The following TENM3 variants were observed in gnomAD, a reference collection of about 807,000 sequenced individuals.
The protein encoded by TENM3 is teneurin-3.
TENM3 carries 63 observed loss-of-function variants against 255.1 expected under a neutral mutation model. The observed-to-expected ratio is 0.25, with a 90% CI of 0.20 to 0.30. TENM3 has a LOEUF of 0.30. Ranked by LOEUF, TENM3 falls within the 10% of genes least tolerant of loss-of-function variation. The pLI is 1.00. For synonymous variants in TENM3, 1,306 were observed against 1,322.3 expected, an observed-to-expected ratio of 0.99 and a Z score of 0.27; for missense variants, 2,929 against 3,461.1, an observed-to-expected ratio of 0.85 and a Z score of 3.86.
At chr4:182,708,204 C>T (rs547412138) in intron 12 of TENM3, among the ~76,000 whole-genome samples, 8 of 152,138 alleles carry the variant, frequency 5.3e-5, no homozygotes, top group Middle Eastern at 3.4e-3. Flanking sequence ...ATAATATATG[C>T]ACTTAGAACA....
the TENM3 span, among the ~76,000 whole-genome samples, chr4:182,120,584 A>G: frequency 6.6e-6 from 1 of 152,216 alleles, no homozygotes; most frequent in East Asian, 1.9e-4. Flanking sequence ...TATTTGTGAC[A>G]AAGCAGGGTA....
At chr4:182,186,941 TAATA>T (rs946448509) in intron 1 of TENM3, among the ~76,000 whole-genome samples, 1 of 150,506 alleles carries the variant, frequency 6.6e-6, no homozygotes, top group African/African-American at 2.4e-5. Context: ...TTCAGATCTC[TAATA>T]AATGTAATTA....
chr4:181,582,032 C>A, the TENM3 span, among the ~76,000 whole-genome samples: 1 of 152,156 alleles, frequency 6.6e-6, no homozygotes, highest in Non-Finnish European at 1.5e-5. Context: ...TGTGCCTGGC[C>A]CCGCCTTACA....
intron 1 of TENM3, among the ~76,000 whole-genome samples, chr4:182,145,917 C>A (rs114417176): frequency 3.2e-4 from 48 of 152,308 alleles, no homozygotes; most frequent in African/African-American, 1.0e-3. Context: ...CATTACCTTT[C>A]CCTTCTCTTG....
At chr4:182,167,232 G>A (rs1751779953) in intron 1 of TENM3, among the ~76,000 whole-genome samples, 1 of 152,196 alleles carries the variant, frequency 6.6e-6, no homozygotes, top group African/African-American at 2.4e-5. Context: ...TGAGAGGATA[G>A]GGAAAGACAT....
intron 1 of TENM3, among the ~76,000 whole-genome samples, chr4:182,190,680 T>C (rs1249757852): frequency 2.0e-5 from 3 of 152,152 alleles, no homozygotes; most frequent in Non-Finnish European, 4.4e-5. Context: ...TTTCTCCCAT[T>C]ATACTATGTC....
chr4:181,909,608 T>C, the TENM3 span, among the ~76,000 whole-genome samples: 1 of 150,336 alleles, frequency 6.7e-6, no homozygotes, highest in South Asian at 2.1e-4. Flanking sequence ...ACCCACATCA[T>C]ACTGTATTTG....
chr4:182,762,531 T>G (rs755333473), intron 22 of TENM3, among the ~76,000 whole-genome samples: 2 of 152,224 alleles, frequency 1.3e-5, no homozygotes, highest in African/African-American at 4.8e-5. Context: ...GATTGACAAA[T>G]GAGTGTTTTC....
chr4:182,524,323 G>A (rs1738897882), intron 3 of TENM3, among the ~76,000 whole-genome samples: 1 of 146,298 alleles, frequency 6.8e-6, no homozygotes, highest in Non-Finnish European at 1.5e-5. Flanking sequence ...ATTCAGAATG[G>A]TGGGTTAATA....
the TENM3 span, among the ~76,000 whole-genome samples, chr4:181,511,851 G>T: frequency 9.2e-5 from 14 of 152,066 alleles, no homozygotes; most frequent in Non-Finnish European, 2.1e-4. Flanking sequence ...ATTTCCAAAA[G>T]AAAGGCTTAA....
At chr4:181,725,436 T>TTC in the TENM3 span, among the ~76,000 whole-genome samples, 32 of 142,158 alleles carry the variant, frequency 2.3e-4, no homozygotes, top group African/African-American at 6.9e-4. Context: ...TTTTTTTTTT[T>TTC]CTGAAATCGC....
At chr4:181,652,896 C>T in the TENM3 span, among the ~76,000 whole-genome samples, 3 of 152,184 alleles carry the variant, frequency 2.0e-5, no homozygotes, top group African/African-American at 7.2e-5. Context: ...GTGACCTTTG[C>T]CAAGATCTTT....
chr4:181,816,903 A>G, the TENM3 span, among the ~76,000 whole-genome samples: 3 of 152,336 alleles, frequency 2.0e-5, no homozygotes, highest in African/African-American at 7.2e-5. Context: ...AGTAACTAAC[A>G]TATATCTGGT....
At chr4:182,682,070 G>A (rs1756223011) in intron 11 of TENM3, 56 bp downstream of exon 11, 6 of 1,423,580 alleles carry the variant, frequency 4.2e-6, no homozygotes, top group Non-Finnish European at 5.9e-6. Context: ...GGCTAAAGAT[G>A]ATATTTTAAT....
the TENM3 span, among the ~76,000 whole-genome samples, chr4:181,695,967 C>G: frequency 6.6e-6 from 1 of 151,360 alleles, no homozygotes; most frequent in South Asian, 2.1e-4. Flanking sequence ...CACTTCCATG[C>G]AAGTCAGAAT....
chr4:182,629,740 G>A (rs1218860284), intron 5 of TENM3, among the ~76,000 whole-genome samples: 1 of 152,026 alleles, frequency 6.6e-6, no homozygotes, highest in Non-Finnish European at 1.5e-5. Flanking sequence ...AATTTGTGAT[G>A]CCCCATGAAA....
At chr4:182,729,225 A>C (rs370875322) in intron 14 of TENM3, 44 bp downstream of exon 14, 70 of 1,494,596 alleles carry the variant, frequency 4.7e-5, no homozygotes, top group Non-Finnish European at 6.1e-5. Flanking sequence ...TGATGTTATC[A>C]ACAGTTACAT....
At chr4:181,567,354 T>C in the TENM3 span, among the ~76,000 whole-genome samples, 12 of 152,206 alleles carry the variant, frequency 7.9e-5, no homozygotes, top group African/African-American at 2.9e-4. Context: ...TCGTGTCTCT[T>C]GCAAATGTAG....
rs749784092 is a variant in TENM3, at chr4:182,688,206, G to C, written c.2076G>C (p.Met692Ile). 32 of 1,611,730 alleles carry C rather than the reference G, an allele frequency of 2.0e-5. No individual in the cohort carries two copies. The highest frequency in any genetic ancestry group is 2.4e-5 in the Non-Finnish European group (28 of 1,178,792). ...ACTGTGGCTCACACGGCGTTTGCAT[G>C]GGGGGGACGTGTCGCTGTGAAGAAG... ...SVDCGSHGVCMGGTCRCEEGW... is the reference protein window; with the variant it reads ...SVDCGSHGVCIGGTCRCEEGW... The change falls in exon 12 of 28, where the codon ATG becomes ATC. Residue 692 changes from methionine to isoleucine, a missense_variant. Transcript: ENST00000511685.
Sources: gnomAD v4.1 joint callset for allele counts (sites outside exome capture counted in the v4.1 genomes callset) on GRCh38, gnomAD v4.1.1 for gene constraint, MANE v1.5 for transcripts, NCBI Gene and HGNC (gene_info 2026-07-23, HGNC 2026-07-21) for gene names.